STXBP5: variants seen among roughly 807,000 people sequenced by gnomAD.
STXBP5 encodes syntaxin binding protein 5.
Under a neutral mutation model 152.4 loss-of-function variants are expected in STXBP5, and 50 were observed. That is an observed-to-expected ratio of 0.33 (90% CI 0.26 to 0.42). STXBP5 has a LOEUF of 0.42. Among genes scored for constraint, STXBP5 ranks in the 10% least tolerant of loss-of-function variants. STXBP5 has a pLI of 1.00. For missense variants in STXBP5, 1,167 were observed against 1,388.6 expected (o/e 0.84, Z 2.54); for synonymous variants, 492 against 494.7 (o/e 0.99, Z 0.07).
Position 147,339,378 on chromosome 6 carries a change from G to T in STXBP5, c.2248G>T (p.Asp750Tyr). Residue 750 changes from aspartate (D) to tyrosine (Y), a missense_variant, in exon 21 of 28, where the codon GAT becomes TAT. Asp to Tyr is a radical substitution (Grantham distance 160, BLOSUM62 -3). Coordinates refer to ENST00000321680, the MANE Select transcript of STXBP5 (RefSeq NM_001127715.4). ...AAAGTTTTCCAAGATGGTAGCCAAT[G>T]ATATAGGTAGGAAATAGAAATTTCT... ...SRKFSKMVANDIAKMSRKLSL... is the reference protein window; with the variant it reads ...SRKFSKMVANYIAKMSRKLSL... The T allele has an allele frequency of 6.7e-7, 1 of 1,493,906 alleles. No individual in the cohort carries two copies. 92.5% of individuals were successfully genotyped at this position (1,493,906 alleles called of 1,614,324 possible). A position where few individuals can be genotyped will look rare whatever the true frequency, so the allele number is the denominator to read the frequency against.
At chr6:147,335,984 G>A (rs1783807982) in intron 19 of STXBP5, among the ~76,000 whole-genome samples, 1 of 152,138 alleles carries the variant, frequency 6.6e-6, no homozygotes, top group Admixed American at 6.5e-5. Context: ...CAGCATGTTT[G>A]AAATGCAAAG....
intron 2 of STXBP5, among the ~76,000 whole-genome samples, chr6:147,213,146 T>A (rs532144061): frequency 2.0e-5 from 3 of 152,310 alleles, no homozygotes; most frequent in Admixed American, 2.0e-4. Flanking sequence ...TTGCTGGGCA[T>A]GTACATGTAA....
intron 2 of STXBP5, among the ~76,000 whole-genome samples, chr6:147,233,902 A>G (rs949043084): frequency 4.0e-5 from 6 of 149,794 alleles, no homozygotes; most frequent in African/African-American, 1.5e-4. Flanking sequence ...TATTACTACT[A>G]ACAATAATTC....
At chr6:147,227,988 T>C (rs1777808400) in intron 2 of STXBP5, among the ~76,000 whole-genome samples, 1 of 152,184 alleles carries the variant, frequency 6.6e-6, no homozygotes, top group Non-Finnish European at 1.5e-5. Context: ...TGGAGCCCTC[T>C]TGTTCTCATG....
intron 16 of STXBP5, among the ~76,000 whole-genome samples, chr6:147,318,248 C>T (rs1254378323): frequency 6.6e-6 from 1 of 152,126 alleles, no homozygotes; most frequent in Non-Finnish European, 1.5e-5. Flanking sequence ...CTGTTTGGAC[C>T]AGAGTGACAA....
chr6:147,324,889 A>C (rs1179347357), intron 16 of STXBP5, 70 bp from the exon 17 acceptor site: 3 of 1,289,566 alleles, frequency 2.3e-6, no homozygotes, highest in Non-Finnish European at 3.0e-6. Flanking sequence ...TTCATATAAA[A>C]AGTTATTTAT....
chr6:147,380,621 C>T (rs183696768), intron 26 of STXBP5, among the ~76,000 whole-genome samples: 126 of 151,454 alleles, frequency 8.3e-4, no homozygotes, highest in Non-Finnish European at 1.4e-3. Flanking sequence ...TAAGATATGA[C>T]ACCTAAATCA....
At chr6:147,382,163 A>T (rs9399599) in intron 26 of STXBP5, among the ~76,000 whole-genome samples, 77,531 of 151,964 alleles carry the variant, frequency 0.51, 19,946 homozygotes, top group Admixed American at 0.53. Context: ...TCTGGATAGC[A>T]AAGGGAAAGA....
At chr6:147,247,131 T>G (rs551204503) in intron 4 of STXBP5, among the ~76,000 whole-genome samples, 1 of 152,328 alleles carries the variant, frequency 6.6e-6, no homozygotes, top group Admixed American at 6.5e-5. Context: ...CCAAAATATC[T>G]ATACAGGTCT....
chr6:147,379,845 CA>C, intron 26 of STXBP5, among the ~76,000 whole-genome samples: 1 of 151,956 alleles, frequency 6.6e-6, no homozygotes, highest in South Asian at 2.1e-4. Context: ...TATACACAGG[CA>C]ATGAATAATT....
intron 2 of STXBP5, among the ~76,000 whole-genome samples, chr6:147,211,614 G>A (rs554933014): frequency 6.6e-6 from 1 of 152,136 alleles, no homozygotes; most frequent in Admixed American, 6.5e-5. Flanking sequence ...ATTTTGAGTC[G>A]GGGTCTTACT....
intron 8 of STXBP5, among the ~76,000 whole-genome samples, chr6:147,279,379 G>A (rs1780595399): frequency 6.6e-6 from 1 of 152,078 alleles, no homozygotes; most frequent in Admixed American, 6.5e-5. Flanking sequence ...GTATATTCAA[G>A]ATTGTCCTTG....
In STXBP5 at chr6:147,290,482, T is replaced by A. The variant is rs61377514; in HGVS notation, c.839-612T>A. Among the ~76,000 whole-genome samples, 1,070 of 152,330 alleles carry A rather than the reference T, an allele frequency of 7.0e-3. 13 individuals carry two copies. The highest frequency in any genetic ancestry group is 0.025 in the African/African-American group (1,028 of 41,554). On this transcript the variant is annotated intron_variant, in intron 8 of 27. Coordinates refer to ENST00000321680, the MANE Select transcript of STXBP5 (RefSeq NM_001127715.4). ...TGGGAAATAAATGTTTTATTTTCTTTATTTTTTACTTTTCCATAGTTTCTA... is the reference window on the plus strand; with the variant it reads ...TGGGAAATAAATGTTTTATTTTCTTAATTTTTTACTTTTCCATAGTTTCTA...
intron 7 of STXBP5, among the ~76,000 whole-genome samples, chr6:147,276,633 G>T (rs1308541951): frequency 2.0e-5 from 3 of 151,900 alleles, no homozygotes; most frequent in Non-Finnish European, 4.4e-5. Context: ...CATTTAAATA[G>T]CTTTTTAGCA....
chr6:147,285,160 G>A (rs1780897020), intron 8 of STXBP5, among the ~76,000 whole-genome samples: 1 of 152,136 alleles, frequency 6.6e-6, no homozygotes, highest in South Asian at 2.1e-4. Context: ...GAGTTATTAA[G>A]TGAGGTTTTA....
In STXBP5 at chr6:147,278,204, G is replaced by A; in HGVS notation, c.838G>A (p.Gly280Arg). The A allele has an allele frequency of 6.2e-7, 1 of 1,600,594 alleles. No individual in the cohort carries two copies. The highest frequency in any genetic ancestry group is 8.5e-7 in the Non-Finnish European group (1 of 1,172,866). Residue 280 changes from glycine (G) to arginine (R), a missense_variant and splice_region_variant, in exon 8 of 28, where the codon GGA becomes AGA. Physicochemically the swap from Gly to Arg is moderately radical, Grantham distance 125. Around this residue, in one of 3 missense-constraint regions of STXBP5, gnomAD observed 310 missense variants for 346.1 expected, o/e 0.90. Transcript: ENST00000321680. ...AKPVQTITPH[G>R]KQLKDGKKPE... is the part of the protein sequence containing the mutation. ...ACCAGTACAGACAATCACTCCACAT[G>A]GTAAGAATGCATCAATTTTAAATAC...
intron 4 of STXBP5, among the ~76,000 whole-genome samples, chr6:147,255,501 T>TTTGTTGTTGTTG (rs138694030): frequency 6.6e-6 from 1 of 151,040 alleles, no homozygotes. Flanking sequence ...TTTGTTCCTT[T>TTTGTTGTTGTTG]TTGTTGTTGT....
At chr6:147,327,046 C>A in intron 17 of STXBP5, 79 bp from the exon 18 acceptor site, 2 of 1,347,234 alleles carry the variant, frequency 1.5e-6, no homozygotes, top group Non-Finnish European at 2.0e-6. Flanking sequence ...ATGCTTCTTT[C>A]TTCAGCCTTA....
At position 147,382,812 on chromosome 6, in the gene STXBP5, C is replaced by A; in HGVS notation, c.3228C>A (p.Ser1076Arg). Residue 1076 changes from serine (S) to arginine (R), a missense_variant, in exon 27 of 28, where the codon AGC becomes AGA. This residue lies in a region of STXBP5 where 833 missense variants were observed against 986.3 expected (regional missense o/e 0.84). Transcript: ENST00000321680. ...GESSSGKASRSLAQHIPGPGG... is the reference protein window; with the variant it reads ...GESSSGKASRRLAQHIPGPGG... ...CGTCCTCAGGAAAGGCTTCAAGGAGCCTTGCACAGCATATTCCTGGCCCTG... is the reference window on the plus strand; with the variant it reads ...CGTCCTCAGGAAAGGCTTCAAGGAGACTTGCACAGCATATTCCTGGCCCTG... 4 of 1,613,454 alleles carry A rather than the reference C, an allele frequency of 2.5e-6. No individual in the cohort carries two copies. Among genetic ancestry groups the A allele is most frequent in the Non-Finnish European group, 3.4e-6 (4 of 1,179,592 alleles).
Sources: gnomAD v4.1 joint callset for allele counts (sites outside exome capture counted in the v4.1 genomes callset) on GRCh38, gnomAD v4.1.1 for gene constraint, gnomAD v4.1.1 regional missense constraint, MANE v1.5 for transcripts, NCBI Gene and HGNC (gene_info 2026-07-23, HGNC 2026-07-21) for gene names.